Variants in P2RY11 observed in about 807,000 individuals in gnomAD.
P2RY11 encodes the protein P2Y purinoceptor 11.
Under a neutral mutation model 2.4 loss-of-function variants are expected in P2RY11, and 3 were observed. The observed-to-expected ratio is 1.22, with a 90% CI of 0.56 to 3.17. The LOEUF (loss-of-function observed/expected upper bound fraction) is 3.17. P2RY11 is among the 30% of genes most tolerant of loss of function. P2RY11 has a pLI of 0.03. For synonymous variants in P2RY11, 307 were observed against 237.3 expected (o/e 1.29, Z -2.70); for missense variants, 670 against 528.2 (o/e 1.27, Z -2.63).
chr19:10,113,686 G>GAT lies in P2RY11; in HGVS notation c.73_74insAT (p.Gly25AspfsTer57). On this transcript the variant is annotated frameshift_variant, in exon 2 of 2. Coordinates refer to ENST00000321826, the MANE Select transcript of P2RY11 (RefSeq NM_002566.5). LOFTEE classifies it low-confidence loss of function (END_TRUNC). The stretch of plus-strand genomic sequence containing the variant: ...GGCAGCTGCCGACGACAAACTCAGT[G>GAT]GGTTCCAGGGGGACTTCCTGTGGCC... The GAT allele has an allele frequency of 6.2e-7, 1 of 1,612,882 alleles. No homozygotes were observed. Among genetic ancestry groups the GAT allele is most frequent in the Non-Finnish European group, 8.5e-7 (1 of 1,179,260 alleles).
At chr19:10,112,011 G>A (rs1355992738) in intron 1 of P2RY11, 7 of 418,052 alleles carry the variant, frequency 1.7e-5, no homozygotes, top group Non-Finnish European at 2.6e-5. Context: ...TCGGGAGGCT[G>A]AGACAAGAGA....
Position 10,114,363 on chromosome 19 carries a change from G to T in P2RY11, c.750G>T (p.Val250=), listed in dbSNP as rs1470783657. The T allele has an allele frequency of 1.2e-6, 2 of 1,605,558 alleles. No individual in the cohort carries two copies. The highest frequency in any genetic ancestry group is 1.3e-5 in the African/African-American group (1 of 74,926). ...AGAAGCTGCGTGTGGCAGCGTTGGT[G>T]GCCAGTGGTGTGGCCCTCTACGCCA... ...VAEKLRVAAL[V]ASGVALYASS... is the part of the protein sequence containing the mutation. The change falls in exon 2 of 2, where the codon GTG becomes GTT. Residue 250 remains valine, a synonymous_variant. Transcript: ENST00000321826.
chr19:10,114,219 C>T lies in P2RY11; in HGVS notation c.606C>T (p.Tyr202=). 1.3e-6 allele frequency: 2 copies of T among 1,599,972 alleles called. No homozygotes were observed. ...CAGCAGACCACGGGCTGGCGGCCTA[C>T]AGAGCGTATAGCCTGGTGCTGGCGG... ...LGTADHGLAA[Y]RAYSLVLAGL... is the part of the protein sequence containing the mutation. The change falls in exon 2 of 2, where the codon TAC becomes TAT. Residue 202 remains tyrosine, a synonymous_variant. Transcript: ENST00000321826.
intron 1 of P2RY11, among the ~76,000 whole-genome samples, 159 bp downstream of exon 1, chr19:10,111,899 CAG>C (rs1418250708): frequency 6.6e-6 from 1 of 151,962 alleles, no homozygotes; most frequent in African/African-American, 2.4e-5. Context: ...AACACGAGGT[CAG>C]GGGTTCGAGA....
Position 10,114,168 on chromosome 19 carries a change from C to T in P2RY11, c.555C>T (p.Pro185=), listed in dbSNP as rs139489816. The change falls in exon 2 of 2, where the codon CCC becomes CCT. Residue 185 remains proline, a synonymous_variant. Transcript: ENST00000321826. ...CGGGCAACTGCAGCGTGGCCAGGCC[C>T]GAGGCCTGCATCAAGTGTCTGGGGA... ...QGAGNCSVAR[P]EACIKCLGTA... is the part of the protein sequence containing the mutation. The T allele has an allele frequency of 2.9e-5, 47 of 1,600,566 alleles. No homozygotes were observed. Among genetic ancestry groups the T allele is most frequent in the Admixed American group, 6.7e-5 (4 of 59,940 alleles).
At position 10,112,075 on chromosome 19, in the gene P2RY11, A is replaced by C. The variant is rs1228007659; in HGVS notation, c.19+335A>C. ...CCATGAGCCGAGATTGCACCATTGC[A>C]CTCCAGCTTGGGCAATGAGCGAAAC... is the stretch of plus-strand genomic sequence containing the variant. On this transcript the variant is annotated intron_variant, in intron 1 of 1. Coordinates refer to ENST00000321826, the MANE Select transcript of P2RY11 (RefSeq NM_002566.5). The C allele has an allele frequency of 1.7e-5, 4 of 240,686 alleles. No homozygotes were observed. The East Asian group carries it at 3.3e-4, about 20-fold the overall frequency. The allele number at this position is 240,686 out of a possible 1,614,324, so 14.9% of individuals were successfully genotyped here.
intron 1 of P2RY11, 58 bp downstream of exon 1, chr19:10,111,798 G>T (rs1296102248): frequency 1.9e-6 from 3 of 1,600,404 alleles, no homozygotes; most frequent in Non-Finnish European, 1.7e-6. Flanking sequence ...GGAGGTGGGG[G>T]TAGTGGGTAT....
intron 1 of P2RY11, 51 bp from the exon 2 acceptor site, chr19:10,113,582 A>T (rs2089164747): frequency 6.4e-7 from 1 of 1,559,094 alleles, no homozygotes; most frequent in African/African-American, 1.4e-5. Flanking sequence ...GGGTAGCAGG[A>T]GCCGCCTTAT....
rs767756406 is a variant in P2RY11, at chr19:10,113,785, C to T, written c.172C>T (p.Gln58Ter). The change falls in exon 2 of 2, where the codon CAG (glutamine) becomes TAG (stop). Residue 58 changes from glutamine (Q) to a stop codon, truncating the protein, a stop_gained. Coordinates refer to ENST00000321826, the MANE Select transcript of P2RY11 (RefSeq NM_002566.5). LOFTEE classifies it low-confidence loss of function (END_TRUNC). ...CCTGTACCGCTTCAGCATCCGGAAG[C>T]AGCGCCCATGGCACCCCGCCGTGGT... ...LALYRFSIRKQRPWHPAVVFS... is the reference protein window; with the variant it reads ...LALYRFSIRK The T allele has an allele frequency of 8.7e-6, 14 of 1,614,038 alleles. No homozygotes were observed. The highest frequency in any genetic ancestry group is 1.2e-5 in the Non-Finnish European group (14 of 1,179,990).
chr19:10,114,616 T>A lies in P2RY11; in HGVS notation c.1003T>A (p.Cys335Ser), dbSNP rs1214326305. 1 of 1,613,922 alleles carries A rather than the reference T, an allele frequency of 6.2e-7. No homozygotes were observed. Among genetic ancestry groups the A allele is most frequent in the African/African-American group, 1.3e-5 (1 of 75,020 alleles). The change falls in exon 2 of 2, where the codon TGC (cysteine) becomes AGC (serine). Residue 335 changes from cysteine (C) to serine (S), a missense_variant. Cys to Ser is a moderately radical substitution (Grantham distance 112, BLOSUM62 -1). Transcript: ENST00000321826. ...VPSLGCCCRHCPGYRDSWNPE... is the reference protein window; with the variant it reads ...VPSLGCCCRHSPGYRDSWNPE... The stretch of plus-strand genomic sequence containing the variant: ...CAGCCTGGGCTGCTGCTGCCGACAC[T>A]GCCCCGGCTACAGGGACAGCTGGAA...
In P2RY11 at chr19:10,113,973, C is replaced by G; in HGVS notation, c.360C>G (p.Ile120Met). The G allele has an allele frequency of 6.2e-7, 1 of 1,601,756 alleles. No homozygotes were observed. Among genetic ancestry groups the G allele is most frequent in the Non-Finnish European group, 8.5e-7 (1 of 1,179,852 alleles). The change falls in exon 2 of 2, where the codon ATC becomes ATG. Residue 120 changes from isoleucine (I) to methionine (M), a missense_variant. By Grantham distance (10) the Ile-to-Met change is conservative (BLOSUM62 1). Coordinates refer to ENST00000321826, the MANE Select transcript of P2RY11 (RefSeq NM_002566.5). Reference protein sequence around the residue: ...TCNLLGSVIFITCISLNRYLG... With the variant: ...TCNLLGSVIFMTCISLNRYLG... ...ACCTGCTGGGCAGCGTCATCTTCAT[C>G]ACCTGCATCAGCCTCAACCGCTACC...
At position 10,113,952 on chromosome 19, in the gene P2RY11, G is replaced by A. The variant is rs748897880; in HGVS notation, c.339G>A (p.Leu113=). The A allele has an allele frequency of 1.1e-4, 178 of 1,602,090 alleles. No individual in the cohort carries two copies. Among genetic ancestry groups the A allele is most frequent in the Non-Finnish European group, 9.2e-5 (108 of 1,179,864 alleles). Residue 113 remains leucine (L), a synonymous_variant, in exon 2 of 2, where the codon CTG becomes CTA. Transcript: ENST00000321826. ...AGCGCTTCCTCTTCACCTGCAACCT[G>A]CTGGGCAGCGTCATCTTCATCACCT... ...RLERFLFTCN[L]LGSVIFITCI...
Position 10,114,968 on chromosome 19 carries a change from T to TG in P2RY11, c.*232dup, listed in dbSNP as rs2089212416. On this transcript the variant is annotated 3_prime_UTR_variant, in exon 2 of 2. Transcript: ENST00000321826. ...ACCACGCCCAGAGGAGGGGAGGCAC[T>TG]GGCCCCCGCCACAGGACTGGAGACG... 3 of 1,430,906 alleles carry TG rather than the reference T, an allele frequency of 2.1e-6. No homozygotes were observed. Among genetic ancestry groups the TG allele is most frequent in the South Asian group, 1.2e-5 (1 of 81,648 alleles). 88.6% of individuals were successfully genotyped at this position (1,430,906 alleles called of 1,614,324 possible).
At position 10,114,328 on chromosome 19, in the gene P2RY11, A is replaced by AGAAG. The variant is rs2089193287; in HGVS notation, c.715_716insGAAG (p.Thr239ArgfsTer126). 6.3e-7 allele frequency: 1 copy of AGAAG among 1,599,844 alleles called. No individual in the cohort carries two copies. Among genetic ancestry groups the AGAAG allele is most frequent in the African/African-American group, 1.3e-5 (1 of 74,870 alleles). On this transcript the variant is annotated frameshift_variant, in exon 2 of 2. Transcript: ENST00000321826. LOFTEE classifies it low-confidence loss of function (END_TRUNC). ...GGCCGTGCTACGCAGCCCAGGCATGACTGTGGCCGAGAAGCTGCGTGTGGC... is the reference window on the plus strand; with the variant it reads ...GGCCGTGCTACGCAGCCCAGGCATGAGAAGCTGTGGCCGAGAAGCTGCGTGTGGC...
At position 10,114,573 on chromosome 19, in the gene P2RY11, C is replaced by T; in HGVS notation, c.960C>T (p.Leu320=). Residue 320 remains leucine, a synonymous_variant, in exon 2 of 2, where the codon CTC becomes CTT. Transcript: ENST00000321826. ...MPLAFCVHPL[L]YMAAVPSLGC... is the part of the protein sequence containing the mutation. Reference sequence around the variant, plus strand: ...TGGCCTTCTGTGTCCACCCTCTACTCTACATGGCCGCAGTGCCCAGCCTGG... The same window carrying T: ...TGGCCTTCTGTGTCCACCCTCTACTTTACATGGCCGCAGTGCCCAGCCTGG... The T allele has an allele frequency of 6.2e-7, 1 of 1,613,768 alleles. No individual in the cohort carries two copies. Among genetic ancestry groups the T allele is most frequent in the South Asian group, 1.1e-5 (1 of 91,076 alleles).
chr19:10,114,288 C>T lies in P2RY11; in HGVS notation c.675C>T (p.Tyr225=), dbSNP rs774978141. ...GLPLLLTLAA[Y]GALGRAVLRS... is the part of the protein sequence containing the mutation. ...CGCTGCTGCTCACGCTGGCAGCCTA[C>T]GGCGCCCTCGGGCGGGCCGTGCTAC... Residue 225 remains tyrosine (Y), a synonymous_variant, in exon 2 of 2, where the codon TAC becomes TAT. Transcript: ENST00000321826. The T allele has an allele frequency of 9.9e-5, 158 of 1,597,786 alleles. No individual in the cohort carries two copies. In the East Asian group the frequency reaches 1.8e-3, roughly 19 times the overall value.
At chr19:10,111,945 A>G (rs2089095588) in intron 1 of P2RY11, among the ~76,000 whole-genome samples, 1 of 152,132 alleles carries the variant, frequency 6.6e-6, no homozygotes, top group African/African-American at 2.4e-5. Context: ...CCCCGTCTCT[A>G]CTAAAAATAA....
chr19:10,113,506 T>TC (rs919117343), intron 1 of P2RY11, 127 bp from the exon 2 acceptor site: 1 of 1,384,124 alleles, frequency 7.2e-7, no homozygotes, highest in Non-Finnish European at 9.7e-7. Flanking sequence ...TGGAGCCCGG[T>TC]CCCCCTCCAG....
In P2RY11 at chr19:10,114,524, A is replaced by G; in HGVS notation, c.911A>G (p.Gln304Arg). Residue 304 changes from glutamine (Q) to arginine (R), a missense_variant, in exon 2 of 2, where the codon CAG becomes CGG. By Grantham distance (43) the Gln-to-Arg change is conservative. Transcript: ENST00000321826. Reference sequence around the variant, plus strand: ...GAGCTGGGGCCCTACGTGGGCTACCAGGTGATGCGGGGCCTCATGCCCCTG... The same window carrying G: ...GAGCTGGGGCCCTACGTGGGCTACCGGGTGATGCGGGGCCTCATGCCCCTG... Reference protein sequence around the residue: ...ALELGPYVGYQVMRGLMPLAF... With the variant: ...ALELGPYVGYRVMRGLMPLAF... 6.2e-7 allele frequency: 1 copy of G among 1,610,366 alleles called. No individual in the cohort carries two copies. Among genetic ancestry groups the G allele is most frequent in the South Asian group, 1.1e-5 (1 of 90,998 alleles).
Sources: gnomAD v4.1 joint callset for allele counts (sites outside exome capture counted in the v4.1 genomes callset) on GRCh38, gnomAD v4.1.1 for gene constraint, MANE v1.5 for transcripts, NCBI Gene and HGNC (gene_info 2026-07-23, HGNC 2026-07-21) for gene names.